The following MYO9B variants were observed in gnomAD, a reference collection of about 807,000 sequenced individuals.
MYO9B encodes the protein myosin IXB.
A neutral mutation model predicts 229.5 loss-of-function variants in MYO9B; 71 were observed. The observed-to-expected ratio is 0.31, with a 90% CI of 0.26 to 0.38. The LOEUF (loss-of-function observed/expected upper bound fraction) is 0.38, where lower values mean the gene tolerates loss of function less well. Ranked by LOEUF, MYO9B falls within the 10% of genes least tolerant of loss-of-function variation. The probability of loss-of-function intolerance (pLI) is 1.00; values close to 1 mark genes in which losing one functional copy is unlikely to be tolerated. For synonymous variants in MYO9B, 1,185 were observed against 1,235.8 expected (o/e 0.96, Z 0.86); for missense variants, 2,255 against 2,920.5 (o/e 0.77, Z 5.25).
chr19:17,095,644 A>T (rs1396563851), intron 1 of MYO9B: 4 of 152,212 alleles, frequency 2.6e-5, no homozygotes, highest in Admixed American at 2.0e-4. Context: ...GGCTATTGTG[A>T]ATAGAGCTGC....
chr19:17,162,514 TC>T, intron 9 of MYO9B, 48 bp downstream of exon 9: 1 of 1,465,252 alleles, frequency 6.8e-7, no homozygotes, highest in Non-Finnish European at 9.3e-7. Context: ...GGAGGCCACA[TC>T]CTCACTACCA....
intron 2 of MYO9B, among the ~76,000 whole-genome samples, chr19:17,134,760 G>A (rs544575056): frequency 2.6e-4 from 40 of 151,942 alleles, no homozygotes; most frequent in Admixed American, 3.3e-4. Context: ...CCATTCATCT[G>A]TGGGGTTTTT....
At chr19:17,156,853 T>C (rs2072542634) in intron 6 of MYO9B, 56 bp from the exon 7 acceptor site, 1 of 1,558,382 alleles carries the variant, frequency 6.4e-7, no homozygotes, top group Non-Finnish European at 8.7e-7. Flanking sequence ...CTGGGAAGTA[T>C]CTGCTGTCTT....
intron 2 of MYO9B, among the ~76,000 whole-genome samples, chr19:17,119,340 C>G (rs1391422443): frequency 1.3e-5 from 2 of 152,198 alleles, no homozygotes; most frequent in East Asian, 3.9e-4. Context: ...TGCCTTGCAC[C>G]CTGAGGCTCT....
Position 17,167,935 on chromosome 19 carries a change from C to G in MYO9B, c.1672-8C>G, listed in dbSNP as rs1381841151. The G allele has an allele frequency of 6.4e-7, 1 of 1,561,256 alleles. No homozygotes were observed. Among genetic ancestry groups the G allele is most frequent in the African/African-American group, 1.4e-5 (1 of 73,416 alleles). On this transcript the variant is annotated splice_polypyrimidine_tract_variant and splice_region_variant and intron_variant, in intron 10 of 39. Coordinates refer to ENST00000682292, the MANE Select transcript of MYO9B (RefSeq NM_004145.4). ...AAGAAACTTACCGACCCCGCGCCACCCCTGCAGGAGGAATATCAGGGCGAG... is the reference window on the plus strand; with the variant it reads ...AAGAAACTTACCGACCCCGCGCCACGCCTGCAGGAGGAATATCAGGGCGAG...
chr19:17,125,938 A>G (rs1238429236), intron 2 of MYO9B, among the ~76,000 whole-genome samples: 2 of 152,086 alleles, frequency 1.3e-5, no homozygotes, highest in African/African-American at 4.8e-5. Context: ...CCGCAGGCCA[A>G]CTGAGCCTGC....
chr19:17,168,902 G>A (rs2072689679), intron 11 of MYO9B, among the ~76,000 whole-genome samples: 1 of 152,222 alleles, frequency 6.6e-6, no homozygotes, highest in South Asian at 2.1e-4. Context: ...ACAGTCCACA[G>A]GGCGCTGTGA....
rs551251051 is a variant in MYO9B, at chr19:17,179,960, C to T, written c.2220-967C>T. Among the ~76,000 whole-genome samples, 21 of 151,588 alleles carry T rather than the reference C, an allele frequency of 1.4e-4. No homozygotes were observed. In the East Asian group the frequency reaches 2.4e-3, roughly 17 times the overall value. On this transcript the variant is annotated intron_variant, in intron 14 of 39. Coordinates refer to ENST00000682292, the MANE Select transcript of MYO9B (RefSeq NM_004145.4). ...AACTAAATAAATATCCCCAGCCAGG[C>T]GCGGTGGCTCACACCTGTAATCCCA...
intron 1 of MYO9B, chr19:17,099,304 T>C (rs2145013700): frequency 6.6e-6 from 1 of 151,438 alleles, no homozygotes; most frequent in South Asian, 2.1e-4. Flanking sequence ...AGGGTGAATT[T>C]TGGGGAGCTA....
intron 21 of MYO9B, among the ~76,000 whole-genome samples, chr19:17,194,063 T>C (rs147884047): frequency 6.6e-6 from 1 of 151,808 alleles, no homozygotes; most frequent in Admixed American, 6.6e-5. Context: ...TCTCAGTTAC[T>C]AGGGAGGCTG....
chr19:17,144,320 C>A (rs928736844), intron 2 of MYO9B, among the ~76,000 whole-genome samples: 14 of 151,890 alleles, frequency 9.2e-5, no homozygotes, highest in African/African-American at 3.4e-4. Context: ...TTAAATAAAC[C>A]GAGTCTGGGC....
chr19:17,101,728 A>C lies in MYO9B; in HGVS notation c.11A>C (p.Lys4Thr). 1 of 1,579,574 alleles carries C rather than the reference A, an allele frequency of 6.3e-7. No homozygotes were observed. The highest frequency in any genetic ancestry group is 8.6e-7 in the Non-Finnish European group (1 of 1,168,942). ...CAGGCGGCCGGCAGGATGAGTGTGA[A>C]AGAGGCAGGCAGCTCGGGCCGCCGG... is the stretch of plus-strand genomic sequence containing the variant. The part of the protein sequence containing the change: MSV[K>T]EAGSSGRREQ... Residue 4 changes from lysine (K) to threonine (T), a missense_variant, in exon 2 of 40, where the codon AAA becomes ACA. Physicochemically the swap from Lys to Thr is moderately conservative, Grantham distance 78. This residue lies in a region of MYO9B where 386 missense variants were observed against 515.2 expected (regional missense o/e 0.75). Transcript: ENST00000682292. The surrounding 1 kb of genome is among the most constrained non-coding windows in gnomAD (Gnocchi z 4.7).
chr19:17,079,970 C>T (rs1600009431), intron 1 of MYO9B, among the ~76,000 whole-genome samples: 1 of 152,174 alleles, frequency 6.6e-6, no homozygotes, highest in South Asian at 2.1e-4. Flanking sequence ...CAATTTCTAT[C>T]GTGGCTGGGA....
intron 8 of MYO9B, 140 bp from the exon 9 acceptor site, chr19:17,162,210 C>T: frequency 3.1e-6 from 2 of 643,538 alleles, no homozygotes; most frequent in Non-Finnish European, 5.3e-6. Context: ...GAGGCTGAGA[C>T]AGGAGAATCT....
intron 1 of MYO9B, among the ~76,000 whole-genome samples, chr19:17,093,420 C>T (rs1183337546): frequency 2.0e-5 from 3 of 152,118 alleles, no homozygotes; most frequent in African/African-American, 4.8e-5. Context: ...CTCTGTCCAT[C>T]TTCCTTGGCC....
intron 1 of MYO9B, among the ~76,000 whole-genome samples, chr19:17,076,684 C>G (rs952692420): frequency 7.2e-5 from 11 of 152,050 alleles, no homozygotes; most frequent in African/African-American, 2.2e-4. Flanking sequence ...GTGTCCTCGT[C>G]TTGGAAACTT....
chr19:17,096,663 TTTG>T (rs150244722), intron 1 of MYO9B, among the ~76,000 whole-genome samples: 12,293 of 115,532 alleles, frequency 0.11, 885 homozygotes, highest in Non-Finnish European at 0.12. Flanking sequence ...GTTCAGATAG[TTTG>T]TTGTTGTTGT....
intron 15 of MYO9B, among the ~76,000 whole-genome samples, chr19:17,182,394 T>A (rs376160070): frequency 6.6e-6 from 1 of 152,002 alleles, no homozygotes; most frequent in East Asian, 1.9e-4. Context: ...AGTGGGAGCC[T>A]GTTTAAAACT....
At chr19:17,077,963 C>T (rs559684558) in intron 1 of MYO9B, among the ~76,000 whole-genome samples, 29 of 152,306 alleles carry the variant, frequency 1.9e-4, no homozygotes, top group Admixed American at 5.2e-4. Flanking sequence ...TACCGTCCCT[C>T]GGGTCCAGTC....
Sources: gnomAD v4.1 joint callset for allele counts (sites outside exome capture counted in the v4.1 genomes callset) on GRCh38, gnomAD v4.1.1 for gene constraint, gnomAD v4.1.1 regional missense constraint, Gnocchi (gnomAD v3.1) non-coding constraint, MANE v1.5 for transcripts, NCBI Gene and HGNC (gene_info 2026-07-23, HGNC 2026-07-21) for gene names.